The following UBA6 variants were observed in gnomAD, a reference collection of about 807,000 sequenced individuals.
The protein encoded by UBA6 is ubiquitin-like modifier-activating enzyme 6.
A neutral mutation model predicts 148.3 loss-of-function variants in UBA6; 87 were observed. The ratio of observed to expected loss-of-function variants is 0.59; its 90% CI spans 0.49 to 0.70. The LOEUF (loss-of-function observed/expected upper bound fraction) is 0.70, where lower values mean the gene tolerates loss of function less well. UBA6 is among the 30% of genes least tolerant of loss of function. UBA6 has a pLI of 0.00. For synonymous variants in UBA6, 376 were observed against 401.0 expected (o/e 0.94, Z 0.75); for missense variants, 1,186 against 1,241.2 (o/e 0.96, Z 0.67).
chr4:67,634,982 T>C (rs1729101782), intron 20 of UBA6, among the ~76,000 whole-genome samples: 1 of 152,138 alleles, frequency 6.6e-6, no homozygotes, highest in Admixed American at 6.5e-5. Flanking sequence ...AAAGCATGTA[T>C]TAAATAAATG....
intron 32 of UBA6, among the ~76,000 whole-genome samples, chr4:67,621,146 G>A (rs1428224723): frequency 3.3e-5 from 5 of 152,128 alleles, no homozygotes; most frequent in African/African-American, 1.2e-4. Context: ...ATAAAATAAA[G>A]GAATTCTAAA....
chr4:67,651,997 GATC>G (rs920940195), intron 13 of UBA6, among the ~76,000 whole-genome samples: 21 of 147,698 alleles, frequency 1.4e-4, no homozygotes, highest in Non-Finnish European at 6.0e-5. Flanking sequence ...TACTTTGTAT[GATC>G]ATGTCTTTAT....
Position 67,614,394 on chromosome 4 carries a change from C to T in UBA6, c.*4603G>A, listed in dbSNP as rs771613653. On this transcript the variant is annotated 3_prime_UTR_variant, in exon 33 of 33. Coordinates refer to ENST00000322244, the MANE Select transcript of UBA6 (RefSeq NM_018227.6). ...AGGCCATGGTCACTCATATTTGGCTCAGAATAATCTCTGAAAATATTTACA... is the reference window on the plus strand; with the variant it reads ...AGGCCATGGTCACTCATATTTGGCTTAGAATAATCTCTGAAAATATTTACA... 6.6e-6 allele frequency: 1 copy of T among 152,162 alleles called. No homozygotes were observed. Among genetic ancestry groups the T allele is most frequent in the African/African-American group, 2.4e-5 (1 of 41,434 alleles). 9.4% of individuals were successfully genotyped at this position (152,162 alleles called of 1,614,324 possible).
rs1283234767 is a variant in UBA6, at chr4:67,677,682, A to G, written c.394T>C (p.Tyr132His). The change falls in exon 6 of 33, where the codon TAC becomes CAC. Residue 132 changes from tyrosine (Y) to histidine (H), a missense_variant. Coordinates refer to ENST00000322244, the MANE Select transcript of UBA6 (RefSeq NM_018227.6). ...VLKHIAELNP[Y>H]VHVTSSSVPF... is the part of the protein sequence containing the mutation. ...ACAGAAGATGATGTGACATGAACGT[A>G]TGGATTTAGTTCTGCAATATGTTTA... The G allele has an allele frequency of 6.2e-7, 1 of 1,607,272 alleles. No individual in the cohort carries two copies. Among genetic ancestry groups the G allele is most frequent in the Non-Finnish European group, 8.5e-7 (1 of 1,175,396 alleles).
intron 18 of UBA6, among the ~76,000 whole-genome samples, chr4:67,639,876 T>C (rs1729262372): frequency 6.6e-6 from 1 of 152,210 alleles, no homozygotes; most frequent in Non-Finnish European, 1.5e-5. Flanking sequence ...TGTACCACAC[T>C]GTACTCACCT....
chr4:67,633,238 G>C (rs1253443215), intron 23 of UBA6, 107 bp downstream of exon 23: 4 of 1,008,202 alleles, frequency 4.0e-6, no homozygotes, highest in Non-Finnish European at 5.5e-6. Context: ...TTTCTGAAAA[G>C]CTTGCCAAAA....
At chr4:67,657,826 C>CAAAAA (rs57984969) in intron 13 of UBA6, among the ~76,000 whole-genome samples, 1 of 115,154 alleles carries the variant, frequency 8.7e-6, no homozygotes, top group African/African-American at 3.4e-5. Context: ...AACAAATTTA[C>CAAAAA]AAAAAAAAAA....
intron 26 of UBA6, 87 bp downstream of exon 26, chr4:67,630,379 C>A: frequency 2.3e-6 from 2 of 855,630 alleles, no homozygotes; most frequent in Non-Finnish European, 1.8e-6. Context: ...TTATAACAAA[C>A]AAACATGTTT....
At chr4:67,674,274 G>A (rs1356044952) in intron 6 of UBA6, among the ~76,000 whole-genome samples, 1 of 151,996 alleles carries the variant, frequency 6.6e-6, no homozygotes, top group Non-Finnish European at 1.5e-5. Flanking sequence ...TTCCTCCATG[G>A]GCCTCTCAGT....
Position 67,682,184 on chromosome 4 carries a change from G to T in UBA6, c.164C>A (p.Ala55Glu), listed in dbSNP as rs200616902. The change falls in exon 3 of 33, where the codon GCA becomes GAA. Residue 55 changes from alanine to glutamate, a missense_variant. Ala to Glu is a moderately radical substitution (Grantham distance 107). Coordinates refer to ENST00000322244, the MANE Select transcript of UBA6 (RefSeq NM_018227.6). ...SRQRYVLGDTAMQKMAKSHVF... is the reference protein window; with the variant it reads ...SRQRYVLGDTEMQKMAKSHVF... ...ATGGGACTTGGCCATCTTCTGCATT[G>T]CTGTGTCTCCAAGAACGTACCTCTG... 2.5e-6 allele frequency: 4 copies of T among 1,613,772 alleles called. No individual in the cohort carries two copies. In the East Asian group the frequency reaches 8.9e-5, roughly 36 times the overall value.
At chr4:67,682,264 A>T in intron 2 of UBA6, 51 bp from the exon 3 acceptor site, 1 of 1,397,494 alleles carries the variant, frequency 7.2e-7, no homozygotes, top group Non-Finnish European at 1.0e-6. Context: ...TGAAATTATA[A>T]TATCTCTTAA....
At chr4:67,682,351 A>T in intron 2 of UBA6, 138 bp from the exon 3 acceptor site, 1 of 626,056 alleles carries the variant, frequency 1.6e-6, no homozygotes, top group Non-Finnish European at 2.8e-6. Flanking sequence ...CAGTGTTTAA[A>T]CATTTCTGAA....
At chr4:67,675,106 G>C (rs1730246547) in intron 6 of UBA6, among the ~76,000 whole-genome samples, 1 of 152,280 alleles carries the variant, frequency 6.6e-6, no homozygotes, top group African/African-American at 2.4e-5. Context: ...CTGACCTCAG[G>C]TTTTCTGCCT....
chr4:67,646,878 T>C (rs2109917540), intron 14 of UBA6, 87 bp from the exon 15 acceptor site: 1 of 649,048 alleles, frequency 1.5e-6, no homozygotes, highest in Non-Finnish European at 2.3e-6. Context: ...TTAATAGTCA[T>C]GAAGAAAAAA....
At chr4:67,665,160 GT>G (rs201525498) in intron 10 of UBA6, 28 bp downstream of exon 10, 81,032 of 1,404,804 alleles carry the variant, frequency 0.058, 2,719 homozygotes, top group Middle Eastern at 0.066. Flanking sequence ...GTAAAAAAAT[GT>G]TTTTTAAGCC....
At chr4:67,660,620 G>A (rs1729825241) in intron 13 of UBA6, among the ~76,000 whole-genome samples, 1 of 152,154 alleles carries the variant, frequency 6.6e-6, no homozygotes, top group African/African-American at 2.4e-5. Flanking sequence ...TGCAGGGGTG[G>A]GGCCCTCATG....
chr4:67,663,510 A>G (rs541911016), intron 11 of UBA6: 67 of 351,740 alleles, frequency 1.9e-4, no homozygotes, highest in African/African-American at 1.3e-3. Context: ...CATTTTAAAA[A>G]AAAATAGAAT....
chr4:67,655,925 A>G lies in UBA6; in HGVS notation c.1104+6264T>C, dbSNP rs184163084. Among the ~76,000 whole-genome samples, 3 of 152,362 alleles carry G rather than the reference A, an allele frequency of 2.0e-5. No individual in the cohort carries two copies. In the East Asian group the frequency reaches 5.8e-4, roughly 29 times the overall value. ...ACTATAAGCCCCTCTATGCAAATAA[A>G]CTAGAAAATCTACAAGAAACGGATA... On this transcript the variant is annotated intron_variant, in intron 13 of 32. Coordinates refer to ENST00000322244, the MANE Select transcript of UBA6 (RefSeq NM_018227.6).
chr4:67,696,620 G>A, intron 2 of UBA6, 25 bp downstream of exon 2: 1 of 1,562,376 alleles, frequency 6.4e-7, no homozygotes, highest in Non-Finnish European at 8.7e-7. Context: ...GGGAAAATAA[G>A]TTTCAGTTTC....
Sources: allele counts gnomAD v4.1 joint callset (sites outside exome capture counted in the v4.1 genomes callset), GRCh38; gene constraint gnomAD v4.1.1; transcripts MANE v1.5; gene names NCBI Gene and HGNC (gene_info 2026-07-23, HGNC 2026-07-21).